The following CACNA2D1 variants were observed in gnomAD, a reference collection of about 807,000 sequenced individuals.
The protein encoded by CACNA2D1 is calcium voltage-gated channel auxiliary subunit alpha2delta 1, also known as voltage-dependent calcium channel subunit alpha-2/delta-1.
Under a neutral mutation model 171.5 loss-of-function variants are expected in CACNA2D1, and 53 were observed. The observed-to-expected ratio is 0.31, with a 90% CI of 0.25 to 0.39. The LOEUF is 0.39. Ranked by LOEUF, CACNA2D1 falls within the 10% of genes least tolerant of loss-of-function variation. CACNA2D1 has a pLI of 1.00. For synonymous variants in CACNA2D1, 442 were observed against 443.1 expected, an observed-to-expected ratio of 1.00 and a Z score of 0.03; for missense variants, 903 against 1,299.8, an observed-to-expected ratio of 0.69 and a Z score of 4.69.
chr7:82,170,726 T>C (rs184164175), intron 3 of CACNA2D1, 117 bp from the exon 4 acceptor site: 4 of 872,678 alleles, frequency 4.6e-6, no homozygotes, highest in Middle Eastern at 2.2e-4. Flanking sequence ...AGATGATCCT[T>C]ATTTATGATT....
intron 36 of CACNA2D1, among the ~76,000 whole-genome samples, chr7:81,960,799 C>A (rs1463052094): frequency 1.3e-5 from 2 of 151,936 alleles, no homozygotes; most frequent in African/African-American, 4.8e-5. Flanking sequence ...CTGATGTATC[C>A]AATAAACATG....
rs199771013 is a variant in CACNA2D1 at position 82,387,562 on chromosome 7, TA to T, written c.96-37914del. ...GGGTGATAAATTTTATTTATGAAGT[TA>T]TAATATATTGATATGATGTTCTAAC... On this transcript the variant is annotated intron_variant, in intron 1 of 38. Coordinates refer to ENST00000356860, the MANE Select transcript of CACNA2D1 (RefSeq NM_000722.4). 7.9e-3 allele frequency among the ~76,000 whole-genome samples: 1,207 copies of T among 152,320 alleles called. 10 individuals carry two copies. Among genetic ancestry groups the T allele is most frequent in the African/African-American group, 0.028 (1,157 of 41,570 alleles).
intron 1 of CACNA2D1, among the ~76,000 whole-genome samples, chr7:82,371,499 A>G (rs1001989589): frequency 2.6e-5 from 4 of 152,240 alleles, no homozygotes; most frequent in African/African-American, 9.6e-5. Context: ...TTGCACTACA[A>G]AGTCTAAAAT....
chr7:82,128,897 G>A (rs1790645828), intron 5 of CACNA2D1, among the ~76,000 whole-genome samples: 1 of 151,916 alleles, frequency 6.6e-6, no homozygotes, highest in South Asian at 2.1e-4. Flanking sequence ...TTTTTTTAAT[G>A]TTGTGTAGAT....
At chr7:82,038,825 A>T (rs1442799076) in intron 10 of CACNA2D1, among the ~76,000 whole-genome samples, 1 of 152,194 alleles carries the variant, frequency 6.6e-6, no homozygotes, top group Non-Finnish European at 1.5e-5. Context: ...GGAACCTTGG[A>T]GGCAAGGTGA....
At chr7:82,313,540 C>G (rs1814735700) in intron 3 of CACNA2D1, among the ~76,000 whole-genome samples, 1 of 152,176 alleles carries the variant, frequency 6.6e-6, no homozygotes, top group Admixed American at 6.5e-5. Context: ...ATGAGACCAC[C>G]TTTGTCCCAT....
chr7:82,232,660 T>C (rs1264306494), intron 3 of CACNA2D1, among the ~76,000 whole-genome samples: 2 of 151,788 alleles, frequency 1.3e-5, no homozygotes, highest in African/African-American at 2.4e-5. Flanking sequence ...GGTCAGGAGA[T>C]GGAGACCATC....
intron 3 of CACNA2D1, among the ~76,000 whole-genome samples, chr7:82,308,815 T>C (rs1814058520): frequency 6.6e-6 from 1 of 152,194 alleles, no homozygotes; most frequent in East Asian, 1.9e-4. Context: ...ACATACAAGT[T>C]CTCTGTCTTT....
chr7:82,416,424 G>A (rs1400304324), intron 1 of CACNA2D1, among the ~76,000 whole-genome samples: 2 of 152,022 alleles, frequency 1.3e-5, no homozygotes, highest in African/African-American at 2.4e-5. Flanking sequence ...TTGTCAACCA[G>A]GTGGCTTAAA....
chr7:81,947,081 C>T lies in CACNA2D1; in HGVS notation c.*3311G>A, dbSNP rs573767318. 4 of 151,950 alleles carry T rather than the reference C, an allele frequency of 2.6e-5. No individual in the cohort carries two copies. The highest frequency in any genetic ancestry group is 2.1e-4 in the South Asian group (1 of 4,820). The allele number at this position is 151,950 out of a possible 1,614,324, so 9.4% of individuals were successfully genotyped here. ...CAGACTATACCATTAAACATTTGAACGTCTAACATGATCAATGGAATAGAT... is the reference window on the plus strand; with the variant it reads ...CAGACTATACCATTAAACATTTGAATGTCTAACATGATCAATGGAATAGAT... On this transcript the variant is annotated 3_prime_UTR_variant, in exon 39 of 39. Coordinates refer to ENST00000356860, the MANE Select transcript of CACNA2D1 (RefSeq NM_000722.4).
In CACNA2D1 at chr7:81,965,485, C is replaced by T. The variant is rs1794623221; in HGVS notation, c.2574+109G>A. On this transcript the variant is annotated intron_variant, in intron 32 of 38. Coordinates refer to ENST00000356860, the MANE Select transcript of CACNA2D1 (RefSeq NM_000722.4). ...AAGCATTTTACAAATTATTGTATGA[C>T]AGAAATAAAACAACTCATCGATTTC... is the stretch of plus-strand genomic sequence containing the variant. 5 of 751,226 alleles carry T rather than the reference C, an allele frequency of 6.7e-6. 1 individual carries two copies. 46.5% of individuals were successfully genotyped at this position (751,226 alleles called of 1,614,324 possible).
intron 21 of CACNA2D1, among the ~76,000 whole-genome samples, chr7:81,990,875 T>C (rs780844796): frequency 3.9e-5 from 6 of 152,170 alleles, no homozygotes; most frequent in African/African-American, 1.2e-4. Context: ...ATGTACCTAA[T>C]GTAAACTAAA....
intron 4 of CACNA2D1, among the ~76,000 whole-genome samples, chr7:82,164,405 A>C (rs936557284): frequency 1.3e-5 from 2 of 151,702 alleles, no homozygotes; most frequent in African/African-American, 4.8e-5. Context: ...TGGGGAGCAT[A>C]TAAAACAGAA....
intron 5 of CACNA2D1, among the ~76,000 whole-genome samples, chr7:82,129,253 TTGTC>T (rs1413825031): frequency 6.6e-6 from 1 of 152,228 alleles, no homozygotes; most frequent in Non-Finnish European, 1.5e-5. Context: ...TTAAAAATCT[TTGTC>T]TGAAACACTG....
At chr7:82,083,102 G>A (rs184294002) in intron 7 of CACNA2D1, among the ~76,000 whole-genome samples, 27 of 150,776 alleles carry the variant, frequency 1.8e-4, no homozygotes, top group Admixed American at 1.1e-3. Context: ...TTTTCTCTCC[G>A]ATACTGGGCT....
At chr7:82,257,026 C>T (rs1215515450) in intron 3 of CACNA2D1, among the ~76,000 whole-genome samples, 1 of 152,100 alleles carries the variant, frequency 6.6e-6, no homozygotes, top group Non-Finnish European at 1.5e-5. Context: ...ACAAAACTAA[C>T]CTGAATTATT....
chr7:82,204,609 A>T (rs1042488457), intron 3 of CACNA2D1, among the ~76,000 whole-genome samples: 1 of 152,158 alleles, frequency 6.6e-6, no homozygotes. Context: ...CTGTGGGCAC[A>T]TCTCCTCACT....
intron 3 of CACNA2D1, among the ~76,000 whole-genome samples, chr7:82,249,985 C>T (rs1007467843): frequency 6.6e-6 from 1 of 152,210 alleles, no homozygotes; most frequent in Non-Finnish European, 1.5e-5. Context: ...ATTTGGCACA[C>T]AGTTTTGGAG....
chr7:82,432,380 T>C (rs1478136296), intron 1 of CACNA2D1, among the ~76,000 whole-genome samples: 1 of 152,258 alleles, frequency 6.6e-6, no homozygotes, highest in Non-Finnish European at 1.5e-5. Flanking sequence ...TAACCATTCA[T>C]TCATTCATCT....
Sources: gnomAD v4.1 joint callset for allele counts (sites outside exome capture counted in the v4.1 genomes callset) on GRCh38, gnomAD v4.1.1 for gene constraint, MANE v1.5 for transcripts, NCBI Gene and HGNC (gene_info 2026-07-23, HGNC 2026-07-21) for gene names.